Variants in DYM observed in about 807,000 individuals in gnomAD.
The protein encoded by DYM is dymeclin, also known as dyggve-Melchior-Clausen syndrome protein.
In DYM, 78 loss-of-function variants were observed where a neutral mutation model predicts 93.1. That is an observed-to-expected ratio of 0.84 (90% CI 0.70 to 1.01). The LOEUF (loss-of-function observed/expected upper bound fraction) is 1.01. Ranked by LOEUF, DYM falls within the 50% of genes least tolerant of loss-of-function variation. DYM has a pLI of 0.00. For missense variants in DYM, 789 were observed against 845.0 expected, an observed-to-expected ratio of 0.93 and a Z score of 0.82; for synonymous variants, 321 against 319.7, an observed-to-expected ratio of 1.00 and a Z score of -0.04.
intron 6 of DYM, among the ~76,000 whole-genome samples, chr18:49,361,817 C>T (rs1458653018): frequency 6.6e-6 from 1 of 152,080 alleles, no homozygotes; most frequent in Non-Finnish European, 1.5e-5. Context: ...GCCTCCCGAC[C>T]TTGGTCCAAA....
intron 6 of DYM, among the ~76,000 whole-genome samples, chr18:49,340,255 G>A (rs1237258168): frequency 4.0e-5 from 6 of 151,698 alleles, no homozygotes; most frequent in African/African-American, 7.3e-5. Context: ...CCCGGCCCAC[G>A]TGGAGAAGTT....
chr18:49,431,051 G>GA (rs986624187), intron 1 of DYM, among the ~76,000 whole-genome samples: 1 of 152,136 alleles, frequency 6.6e-6, no homozygotes, highest in Admixed American at 6.6e-5. Flanking sequence ...TAATTAGTCT[G>GA]AAAATGAAGC....
chr18:49,128,136 C>T (rs932302463), intron 15 of DYM, among the ~76,000 whole-genome samples: 1 of 152,200 alleles, frequency 6.6e-6, no homozygotes, highest in African/African-American at 2.4e-5. Flanking sequence ...GGAGAAGAGC[C>T]AGAGAACTCA....
At chr18:49,050,708 C>T (rs1481447551) in intron 17 of DYM, among the ~76,000 whole-genome samples, 1 of 152,078 alleles carries the variant, frequency 6.6e-6, no homozygotes, top group African/African-American at 2.4e-5. Flanking sequence ...TCCTGCTTCA[C>T]TAATGACCAC....
intron 6 of DYM, among the ~76,000 whole-genome samples, chr18:49,350,322 G>A (rs2065000243): frequency 6.6e-6 from 1 of 152,124 alleles, no homozygotes; most frequent in South Asian, 2.1e-4. Context: ...AAAAATCAAA[G>A]TTGATCTATA....
At chr18:49,078,975 T>C (rs1158937447) in intron 17 of DYM, among the ~76,000 whole-genome samples, 1 of 152,228 alleles carries the variant, frequency 6.6e-6, no homozygotes. Flanking sequence ...TTTGGTACTA[T>C]GTTATACTTT....
intron 13 of DYM, among the ~76,000 whole-genome samples, chr18:49,228,905 C>A (rs8099686): frequency 0.024 from 3,700 of 152,138 alleles, 138 homozygotes; most frequent in African/African-American, 0.083. Flanking sequence ...GAAAAGGACA[C>A]AGGTTCTTAT....
At chr18:49,149,485 C>T (rs1326527012) in intron 15 of DYM, among the ~76,000 whole-genome samples, 1 of 152,108 alleles carries the variant, frequency 6.6e-6, no homozygotes, top group South Asian at 2.1e-4. Flanking sequence ...TTTATTTTCC[C>T]ATGGAACTTG....
rs189311674 is a variant in DYM, at chr18:49,262,236, C to T, written c.1252-3743G>A. ...GGAGTGATGTAGATAGATGGCAAGCCAAGGGACACCAAGTATTGCCTGCGA... is the reference window on the plus strand; with the variant it reads ...GGAGTGATGTAGATAGATGGCAAGCTAAGGGACACCAAGTATTGCCTGCGA... On this transcript the variant is annotated intron_variant, in intron 11 of 17. Coordinates refer to ENST00000675505, the MANE Select transcript of DYM (RefSeq NM_001353214.3). Among the ~76,000 whole-genome samples the T allele has an allele frequency of 3.4e-4, 51 of 152,194 alleles. 1 individual carries two copies. Among genetic ancestry groups the T allele is most frequent in the African/African-American group, 1.2e-3 (50 of 41,502 alleles).
chr18:49,331,830 C>T (rs1325617295), intron 8 of DYM, 34 bp downstream of exon 8: 1 of 1,612,654 alleles, frequency 6.2e-7, no homozygotes, highest in Non-Finnish European at 8.5e-7. Context: ...AATTTATGTG[C>T]ACCAAAGAAT....
chr18:49,141,941 C>T (rs184049258), intron 15 of DYM, among the ~76,000 whole-genome samples: 2 of 152,016 alleles, frequency 1.3e-5, no homozygotes, highest in Non-Finnish European at 2.9e-5. Context: ...GCAAGCTCTG[C>T]CCCCCGGGTT....
chr18:49,127,974 T>C (rs2082982761), intron 15 of DYM, among the ~76,000 whole-genome samples: 1 of 152,220 alleles, frequency 6.6e-6, no homozygotes, highest in East Asian at 1.9e-4. Context: ...TCTACACTCC[T>C]TGGATGTGGT....
chr18:49,277,040 C>G (rs780359997), intron 10 of DYM, among the ~76,000 whole-genome samples: 1 of 152,164 alleles, frequency 6.6e-6, no homozygotes, highest in Non-Finnish European at 1.5e-5. Flanking sequence ...TTTGCCAACT[C>G]TATGGATGGC....
intron 13 of DYM, among the ~76,000 whole-genome samples, chr18:49,213,199 T>C (rs1249118569): frequency 6.6e-6 from 1 of 152,028 alleles, no homozygotes; most frequent in Non-Finnish European, 1.5e-5. Context: ...AAAAGAGTAA[T>C]GCTTAAAAAA....
chr18:49,097,605 T>A, intron 16 of DYM, 90 bp from the exon 17 acceptor site: 1 of 1,112,280 alleles, frequency 9.0e-7, no homozygotes, highest in Non-Finnish European at 1.3e-6. Flanking sequence ...CAAACTATCA[T>A]GATTCCATTC....
chr18:49,132,335 A>C (rs2083449408), intron 15 of DYM, among the ~76,000 whole-genome samples: 1 of 152,144 alleles, frequency 6.6e-6, no homozygotes, highest in Admixed American at 6.5e-5. Flanking sequence ...ACTTTTTCAT[A>C]ATAAAATTTT....
intron 14 of DYM, among the ~76,000 whole-genome samples, chr18:49,174,175 A>G (rs1473843638): frequency 6.6e-6 from 1 of 152,158 alleles, no homozygotes; most frequent in African/African-American, 2.4e-5. Context: ...ATGGCATGTT[A>G]AACCAGACTT....
chr18:49,104,777 AT>A (rs1192318481), intron 16 of DYM, among the ~76,000 whole-genome samples: 1 of 152,188 alleles, frequency 6.6e-6, no homozygotes, highest in Non-Finnish European at 1.5e-5. Context: ...ATCATGGTGG[AT>A]AAGGTTTTTG....
chr18:49,423,389 A>G (rs1304447387), intron 2 of DYM, among the ~76,000 whole-genome samples: 3 of 152,246 alleles, frequency 2.0e-5, no homozygotes, highest in African/African-American at 7.2e-5. Context: ...GGACACATTT[A>G]AAGCAGTGTG....
Sources: gnomAD v4.1 joint callset for allele counts (sites outside exome capture counted in the v4.1 genomes callset) on GRCh38, gnomAD v4.1.1 for gene constraint, MANE v1.5 for transcripts, NCBI Gene and HGNC (gene_info 2026-07-23, HGNC 2026-07-21) for gene names.